The following NXPE2 variants were observed in gnomAD, a reference collection of about 807,000 sequenced individuals.
NXPE2 encodes neurexophilin and PC-esterase domain family member 2, also known as NXPE family member 2.
Under a neutral mutation model 34.4 loss-of-function variants are expected in NXPE2, and 34 were observed. That is an observed-to-expected ratio of 0.99 (90% CI 0.75 to 1.31). The LOEUF (loss-of-function observed/expected upper bound fraction) is 1.31. Ranked by LOEUF, NXPE2 falls within the 40% of genes most tolerant of loss-of-function variation. The pLI is 0.00. For missense variants in NXPE2, 649 were observed against 672.5 expected, an observed-to-expected ratio of 0.97 and a Z score of 0.39; for synonymous variants, 235 against 231.3, an observed-to-expected ratio of 1.02 and a Z score of -0.15.
the NXPE2 span, among the ~76,000 whole-genome samples, chr11:114,495,549 T>A: frequency 6.6e-6 from 1 of 151,664 alleles, no homozygotes; most frequent in African/African-American, 2.4e-5. Context: ...CAAAGTCCCC[T>A]TTACTCTTCC....
the NXPE2 span, among the ~76,000 whole-genome samples, chr11:114,663,625 CT>C: frequency 4.7e-3 from 261 of 55,754 alleles, 2 homozygotes; most frequent in Admixed American, 0.013. Context: ...ATCTATCTAT[CT>C]ATCTATCTAT....
chr11:114,472,749 A>G, the NXPE2 span, among the ~76,000 whole-genome samples: 27 of 152,320 alleles, frequency 1.8e-4, no homozygotes, highest in Non-Finnish European at 3.1e-4. Context: ...ACTAATCCCC[A>G]TCATGAATGT....
the NXPE2 span, among the ~76,000 whole-genome samples, chr11:114,668,743 A>G: frequency 6.6e-6 from 1 of 152,124 alleles, no homozygotes; most frequent in Non-Finnish European, 1.5e-5. Context: ...TCTTTAGTGA[A>G]TATTGTAAAT....
At chr11:114,682,012 T>C (rs147212407) in intron 2 of NXPE2, among the ~76,000 whole-genome samples, 1,718 of 152,294 alleles carry the variant, frequency 0.011, 28 homozygotes, top group African/African-American at 0.039. Context: ...AAATCATTCA[T>C]TTAACCAAAG....
At chr11:114,734,485 A>G in the NXPE2 span, among the ~76,000 whole-genome samples, 1 of 152,198 alleles carries the variant, frequency 6.6e-6, no homozygotes, top group African/African-American at 2.4e-5. Flanking sequence ...ATTTGAAAGT[A>G]TTCATTGTAC....
At chr11:114,619,267 T>C in the NXPE2 span, among the ~76,000 whole-genome samples, 1 of 152,108 alleles carries the variant, frequency 6.6e-6, no homozygotes, top group Non-Finnish European at 1.5e-5. Context: ...TAATCAATGG[T>C]ACCTGGTGGA....
chr11:114,757,146 C>T, the NXPE2 span, among the ~76,000 whole-genome samples: 1 of 152,036 alleles, frequency 6.6e-6, no homozygotes, highest in African/African-American at 2.4e-5. Context: ...ATTTTCTATT[C>T]TTGGAATAAA....
the NXPE2 span, among the ~76,000 whole-genome samples, chr11:114,633,073 T>C: frequency 2.0e-4 from 24 of 118,882 alleles, no homozygotes; most frequent in Non-Finnish European, 3.8e-4. Flanking sequence ...TTTTGTTTTT[T>C]ATAATTTATC....
chr11:114,628,615 A>T, the NXPE2 span, among the ~76,000 whole-genome samples: 113 of 144,950 alleles, frequency 7.8e-4, no homozygotes, highest in Admixed American at 2.4e-3. Context: ...AAAGAACTAG[A>T]AAAGCAAGAG....
chr11:114,508,041 A>G, the NXPE2 span, among the ~76,000 whole-genome samples: 1 of 152,212 alleles, frequency 6.6e-6, no homozygotes, highest in Admixed American at 6.5e-5. Context: ...GAACTTCAGC[A>G]AAGTCTCAGG....
chr11:114,494,108 C>G, the NXPE2 span, among the ~76,000 whole-genome samples: 4 of 152,120 alleles, frequency 2.6e-5, no homozygotes, highest in Admixed American at 1.3e-4. Context: ...TTTCTTTTCT[C>G]TTGCTGCTTT....
the NXPE2 span, chr11:114,570,722 G>A: frequency 5.4e-5 from 24 of 441,328 alleles, no homozygotes; most frequent in Admixed American, 3.9e-5. Flanking sequence ...AAGAAGGGTA[G>A]GCTCTTTTCA....
At chr11:114,566,576 G>A in the NXPE2 span, among the ~76,000 whole-genome samples, 1 of 152,186 alleles carries the variant, frequency 6.6e-6, no homozygotes, top group Non-Finnish European at 1.5e-5. Flanking sequence ...CAACTGGAAT[G>A]TGTTGTAACA....
the NXPE2 span, among the ~76,000 whole-genome samples, chr11:114,611,534 A>G: frequency 6.6e-6 from 1 of 151,840 alleles, no homozygotes; most frequent in African/African-American, 2.4e-5. Context: ...TACCCGGTTT[A>G]TAATAAGTGT....
At chr11:114,741,567 C>G in the NXPE2 span, among the ~76,000 whole-genome samples, 1 of 152,052 alleles carries the variant, frequency 6.6e-6, no homozygotes, top group Non-Finnish European at 1.5e-5. Context: ...TTCACAGATT[C>G]TTTCTTTTGC....
At chr11:114,619,490 A>G in the NXPE2 span, among the ~76,000 whole-genome samples, 3 of 151,944 alleles carry the variant, frequency 2.0e-5, no homozygotes, top group East Asian at 5.8e-4. Context: ...CCAGTGGAGG[A>G]TAAGTGTTGC....
At chr11:114,587,182 A>G in the NXPE2 span, among the ~76,000 whole-genome samples, 1 of 152,202 alleles carries the variant, frequency 6.6e-6, no homozygotes, top group Non-Finnish European at 1.5e-5. Context: ...TCTGTCTTCA[A>G]CAATGAGGGG....
chr11:114,796,093 A>G, the NXPE2 span, among the ~76,000 whole-genome samples: 1 of 152,200 alleles, frequency 6.6e-6, no homozygotes, highest in Non-Finnish European at 1.5e-5. Context: ...GTTCTGTCCA[A>G]TCTGTTTGCT....
At chr11:114,722,196 T>C in the NXPE2 span, among the ~76,000 whole-genome samples, 1 of 152,136 alleles carries the variant, frequency 6.6e-6, no homozygotes, top group East Asian at 1.9e-4. Context: ...AGGGACCTGA[T>C]GGGAGGTGAT....
Sources: allele counts gnomAD v4.1 joint callset (sites outside exome capture counted in the v4.1 genomes callset), GRCh38; gene constraint gnomAD v4.1.1; transcripts MANE v1.5; gene names NCBI Gene and HGNC (gene_info 2026-07-23, HGNC 2026-07-21).